The following STAB2 variants were observed in gnomAD, a reference collection of about 807,000 sequenced individuals.
STAB2 encodes the protein stabilin-2.
Under a neutral mutation model 338.1 loss-of-function variants are expected in STAB2, and 288 were observed. That is an observed-to-expected ratio of 0.85 (90% confidence interval 0.77 to 0.94). STAB2 has a LOEUF of 0.94. Among genes scored for constraint, STAB2 ranks in the 40% least tolerant of loss-of-function variants. The pLI is 0.00. For missense variants in STAB2, 3,141 were observed against 3,210.1 expected, an observed-to-expected ratio of 0.98 and a Z score of 0.52; for synonymous variants, 1,202 against 1,193.3, an observed-to-expected ratio of 1.01 and a Z score of -0.15.
Position 103,717,766 on chromosome 12 carries a change from A to G in STAB2, c.4612-4A>G, listed in dbSNP as rs571201067. 311 of 1,614,094 alleles carry G rather than the reference A, an allele frequency of 1.9e-4. 3 individuals carry two copies. In the South Asian group the frequency reaches 2.4e-3, roughly 13 times the overall value. On this transcript the variant is annotated splice_region_variant and splice_polypyrimidine_tract_variant and intron_variant, in intron 43 of 68. Coordinates refer to ENST00000388887, the MANE Select transcript of STAB2 (RefSeq NM_017564.10). Reference sequence around the variant, plus strand: ...TGACCCCATGTGCTTCTACTCCTGGACAGGCTGCCTGTAACTGTTTGCCAG... The same window carrying G: ...TGACCCCATGTGCTTCTACTCCTGGGCAGGCTGCCTGTAACTGTTTGCCAG...
chr12:103,745,644 G>A (rs956225145), intron 57 of STAB2, among the ~76,000 whole-genome samples: 14 of 152,034 alleles, frequency 9.2e-5, no homozygotes, highest in Non-Finnish European at 1.6e-4. Flanking sequence ...TTGAAGGCCC[G>A]AGACCAGGGT....
Position 103,651,756 on chromosome 12 carries a change from G to C in STAB2, c.1258-800G>C, listed in dbSNP as rs1873761484. On this transcript the variant is annotated intron_variant, in intron 11 of 68. Transcript: ENST00000388887. ...AAGCCAATAAAAGATTGAAATCTGGGAAGTGGGAAAAAATAAAAATGAAAA... is the reference window on the plus strand; with the variant it reads ...AAGCCAATAAAAGATTGAAATCTGGCAAGTGGGAAAAAATAAAAATGAAAA... Among the ~76,000 whole-genome samples the C allele has an allele frequency of 2.0e-5, 3 of 152,142 alleles. No homozygotes were observed. The South Asian group carries it at 6.2e-4, about 32-fold the overall frequency.
intron 45 of STAB2, among the ~76,000 whole-genome samples, chr12:103,725,408 T>C (rs1881104865): frequency 6.6e-6 from 1 of 152,238 alleles, no homozygotes; most frequent in Admixed American, 6.5e-5. Context: ...TATATCAATT[T>C]TCCAATCTGT....
intron 5 of STAB2, among the ~76,000 whole-genome samples, chr12:103,627,154 A>G (rs1957393108): frequency 6.6e-6 from 1 of 152,202 alleles, no homozygotes; most frequent in Non-Finnish European, 1.5e-5. Flanking sequence ...ATGGGGGCAG[A>G]GGCAGGATTT....
chr12:103,651,594 G>A (rs897750188), intron 11 of STAB2, among the ~76,000 whole-genome samples: 8 of 151,996 alleles, frequency 5.3e-5, no homozygotes, highest in Admixed American at 3.9e-4. Flanking sequence ...TTATAGGCGT[G>A]AGCCACTGCA....
rs1293246528 is a variant in STAB2, at chr12:103,753,483, G to A, written c.6714+130G>A. The A allele has an allele frequency of 2.4e-6, 3 of 1,240,024 alleles. No individual in the cohort carries two copies. In the African/African-American group the frequency reaches 4.5e-5, roughly 19 times the overall value. The allele number at this position is 1,240,024 out of a possible 1,614,324, so 76.8% of individuals were successfully genotyped here. On this transcript the variant is annotated intron_variant, in intron 61 of 68. Coordinates refer to ENST00000388887, the MANE Select transcript of STAB2 (RefSeq NM_017564.10). ...GAGTGCAGGTAGCTCCTGGAACAAT[G>A]CTAACAGTCACCATGTCCATTTATT...
At chr12:103,656,001 C>A (rs1019501006) in intron 15 of STAB2, among the ~76,000 whole-genome samples, 1 of 152,194 alleles carries the variant, frequency 6.6e-6, no homozygotes, top group Non-Finnish European at 1.5e-5. Context: ...AAAAAGAATA[C>A]GTGTTATTTT....
At chr12:103,758,692 G>GC (rs1486906526) in intron 64 of STAB2, among the ~76,000 whole-genome samples, 1 of 152,240 alleles carries the variant, frequency 6.6e-6, no homozygotes, top group African/African-American at 2.4e-5. Context: ...GGGGCAAAGG[G>GC]CCAGGGGTGC....
At chr12:103,680,722 C>T (rs1453587841) in intron 25 of STAB2, among the ~76,000 whole-genome samples, 1 of 152,250 alleles carries the variant, frequency 6.6e-6, no homozygotes, top group Non-Finnish European at 1.5e-5. Flanking sequence ...CCCTGCACCT[C>T]ACCCTGGGGT....
intron 39 of STAB2, among the ~76,000 whole-genome samples, chr12:103,710,047 C>T (rs2138996069): frequency 6.6e-6 from 1 of 152,300 alleles, no homozygotes; most frequent in East Asian, 1.9e-4. Context: ...CTGCTCCCCT[C>T]TCACCAGTAG....
At chr12:103,759,708 A>G (rs1336252997) in intron 65 of STAB2, among the ~76,000 whole-genome samples, 1 of 152,228 alleles carries the variant, frequency 6.6e-6, no homozygotes, top group African/African-American at 2.4e-5. Context: ...GATGGTGGTG[A>G]TGATGATACA....
At position 103,690,411 on chromosome 12, in the gene STAB2, A is replaced by G. The variant is rs377541248; in HGVS notation, c.3183-13A>G. The G allele has an allele frequency of 5.0e-6, 8 of 1,596,968 alleles. No individual in the cohort carries two copies. The African/African-American group carries it at 1.1e-4, about 21-fold the overall frequency. On this transcript the variant is annotated splice_polypyrimidine_tract_variant and intron_variant, in intron 29 of 68. Transcript: ENST00000388887. ...TTATATTGAATTATAGCCTTTGTGGACTATTGTTTCAGGTACCATATGCTA... is the reference window on the plus strand; with the variant it reads ...TTATATTGAATTATAGCCTTTGTGGGCTATTGTTTCAGGTACCATATGCTA...
chr12:103,713,715 G>A lies in STAB2; in HGVS notation c.4484G>A (p.Arg1495Lys). ...KADCKRTTPG[R>K]RVCTCKAGYT... is the part of the protein sequence containing the mutation. Reference sequence around the variant, plus strand: ...GACTGTAAGAGAACCACCCCAGGAAGGCGAGTGTGCACGTGCAAAGCAGGC... The same window carrying A: ...GACTGTAAGAGAACCACCCCAGGAAAGCGAGTGTGCACGTGCAAAGCAGGC... The change falls in exon 42 of 69, where the codon AGG becomes AAG. Residue 1495 changes from arginine to lysine, a missense_variant. Transcript: ENST00000388887. The A allele has an allele frequency of 6.2e-7, 1 of 1,614,126 alleles. No individual in the cohort carries two copies. The highest frequency in any genetic ancestry group is 8.5e-7 in the Non-Finnish European group (1 of 1,179,978).
At chr12:103,721,742 C>A (rs907945496) in intron 44 of STAB2, among the ~76,000 whole-genome samples, 1 of 152,174 alleles carries the variant, frequency 6.6e-6, no homozygotes, top group Non-Finnish European at 1.5e-5. Context: ...ATAATCCCAG[C>A]ACTTTGGGGC....
In STAB2 at chr12:103,660,766, A is replaced by G; in HGVS notation, c.1869+3A>G. On this transcript the variant is annotated splice_donor_region_variant and intron_variant, in intron 17 of 68. Coordinates refer to ENST00000388887, the MANE Select transcript of STAB2 (RefSeq NM_017564.10). ...TACAGTTCAACACCACCGACAATGT[A>G]AGTGAAAACTCAACCACCACCAGCA... 2 of 1,613,998 alleles carry G rather than the reference A, an allele frequency of 1.2e-6. No individual in the cohort carries two copies. Among genetic ancestry groups the G allele is most frequent in the Non-Finnish European group, 1.7e-6 (2 of 1,179,902 alleles).
intron 18 of STAB2, among the ~76,000 whole-genome samples, chr12:103,665,452 TG>T (rs1205638766): frequency 6.6e-6 from 1 of 152,196 alleles, no homozygotes; most frequent in Admixed American, 6.5e-5. Flanking sequence ...GAATAAGTTT[TG>T]CTGGAGCTTT....
In STAB2 at chr12:103,613,165, T is replaced by C. The variant is rs1430200621; in HGVS notation, c.332-7303T>C. Among the ~76,000 whole-genome samples, 8 of 152,192 alleles carry C rather than the reference T, an allele frequency of 5.3e-5. No homozygotes were observed. In the East Asian group the frequency reaches 1.3e-3, roughly 26 times the overall value. On this transcript the variant is annotated intron_variant, in intron 3 of 68. Transcript: ENST00000388887. ...CCACTTGAGGAGGCAGTCTGTCCGT[T>C]CTCAGATCTCAAGCTGCGTGCTGGG...
At chr12:103,627,544 T>C (rs1197762772) in intron 5 of STAB2, among the ~76,000 whole-genome samples, 2 of 152,230 alleles carry the variant, frequency 1.3e-5, no homozygotes, top group Non-Finnish European at 2.9e-5. Context: ...TCAATGATGA[T>C]CTGGGAAACC....
Position 103,676,011 on chromosome 12 carries a change from G to A in STAB2, c.2636G>A (p.Cys879Tyr). Reference sequence around the variant, plus strand: ...TGCACAGGACTAACTCCAGGAGGCTGTAGCCGCAATGTGAGTACTGGTCTT... The same window carrying A: ...TGCACAGGACTAACTCCAGGAGGCTATAGCCGCAATGTGAGTACTGGTCTT... The part of the protein sequence containing the change: ...DPCTGLTPGG[C>Y]SRNAECIKTG... The change falls in exon 24 of 69, where the codon TGT becomes TAT. Residue 879 changes from cysteine (C) to tyrosine (Y), a missense_variant. Physicochemically the swap from Cys to Tyr is radical, Grantham distance 194 (BLOSUM62 -2). Coordinates refer to ENST00000388887, the MANE Select transcript of STAB2 (RefSeq NM_017564.10). 6.3e-7 allele frequency: 1 copy of A among 1,597,202 alleles called. No individual in the cohort carries two copies. The highest frequency in any genetic ancestry group is 8.6e-7 in the Non-Finnish European group (1 of 1,169,314).
Sources: allele counts gnomAD v4.1 joint callset (sites outside exome capture counted in the v4.1 genomes callset), GRCh38; gene constraint gnomAD v4.1.1; transcripts MANE v1.5; gene names NCBI Gene and HGNC (gene_info 2026-07-23, HGNC 2026-07-21).